Variants in MMD2 observed in about 807,000 individuals in gnomAD.
The protein encoded by MMD2 is monocyte to macrophage differentiation associated 2, also known as monocyte to macrophage differentiation factor 2.
Under a neutral mutation model 33.5 loss-of-function variants are expected in MMD2, and 30 were observed. The ratio of observed to expected loss-of-function variants is 0.90; its 90% CI spans 0.67 to 1.22. The LOEUF (loss-of-function observed/expected upper bound fraction) is 1.22, where lower values mean the gene tolerates loss of function less well. MMD2 is among the 50% of genes most tolerant of loss of function. The pLI, the probability that MMD2 is intolerant of heterozygous loss-of-function variation, is 0.00. For missense variants in MMD2, 364 were observed against 325.4 expected (o/e 1.12, Z -0.91); for synonymous variants, 129 against 123.0 (o/e 1.05, Z -0.32).
At chr7:4,953,161 C>T (rs1245650976) in intron 1 of MMD2, among the ~76,000 whole-genome samples, 2 of 151,776 alleles carry the variant, frequency 1.3e-5, no homozygotes, top group Non-Finnish European at 2.9e-5. Flanking sequence ...CCTACAGTTC[C>T]CCATCTCACC....
At chr7:4,892,744 C>T in the MMD2 span, among the ~76,000 whole-genome samples, 1 of 151,810 alleles carries the variant, frequency 6.6e-6, no homozygotes, top group South Asian at 2.1e-4. Flanking sequence ...GAGATGAAGT[C>T]TAGCTCTGTC....
At chr7:4,915,036 G>A (rs1289686289) in intron 4 of MMD2, among the ~76,000 whole-genome samples, 1 of 152,202 alleles carries the variant, frequency 6.6e-6, no homozygotes, top group African/African-American at 2.4e-5. Flanking sequence ...AGTTTGGGAG[G>A]CTGAGGCGGG....
intron 1 of MMD2, among the ~76,000 whole-genome samples, chr7:4,943,739 C>G (rs1785976048): frequency 6.6e-6 from 1 of 152,154 alleles, no homozygotes; most frequent in South Asian, 2.1e-4. Context: ...ACTTCACAAA[C>G]TGCCTTGAGA....
chr7:4,903,169 C>G (rs1465060008), downstream of MMD2, among the ~76,000 whole-genome samples: 1 of 152,092 alleles, frequency 6.6e-6, no homozygotes. Context: ...ACCCAGGAGG[C>G]AGAGGTTGCA....
At chr7:4,902,560 G>A (rs1044223872), downstream of MMD2, among the ~76,000 whole-genome samples, 6 of 152,302 alleles carry the variant, frequency 3.9e-5, no homozygotes, top group South Asian at 1.0e-3. Flanking sequence ...TGGCACCCCG[G>A]AGGAGACCCA....
In MMD2 at chr7:4,909,884, G is replaced by A; in HGVS notation, c.534C>T (p.Ser178=). ...ATGCAGGGCTGGCAGCACTTACCATGGAGAGGATGACCAGGGCGGGGAAGA... is the reference window on the plus strand; with the variant it reads ...ATGCAGGGCTGGCAGCACTTACCATAGAGAGGATGACCAGGGCGGGGAAGA... ...MGFFPALVIL[S]MPNTEGIWEL... Residue 178 remains serine (S), a synonymous_variant, in exon 6 of 7, where the codon TCC becomes TCT. Coordinates refer to ENST00000401401, the MANE Select transcript of MMD2 (RefSeq NM_198403.4). 6.2e-7 allele frequency: 1 copy of A among 1,612,354 alleles called. No individual in the cohort carries two copies. Among genetic ancestry groups the A allele is most frequent in the Non-Finnish European group, 8.5e-7 (1 of 1,179,180 alleles).
At position 4,920,235 on chromosome 7, in the gene MMD2, G is replaced by C; in HGVS notation, c.226C>G (p.Leu76Val). 1 of 1,592,208 alleles carries C rather than the reference G, an allele frequency of 6.3e-7. No individual in the cohort carries two copies. Among genetic ancestry groups the C allele is most frequent in the Non-Finnish European group, 8.5e-7 (1 of 1,170,122 alleles). ...GTGGACACCACGAAGAGGCCGCAGA[G>C]GCCGAGGCCGTAGATCCAGGCAGAG... ...TISAWIYGLG[L>V]CGLFVVSTVF... is the part of the protein sequence containing the mutation. The change falls in exon 3 of 7, where the codon CTC (leucine) becomes GTC (valine). Residue 76 changes from leucine to valine, a missense_variant. Physicochemically the swap from Leu to Val is conservative, Grantham distance 32. Transcript: ENST00000401401.
At position 4,938,788 on chromosome 7, in the gene MMD2, C is replaced by A. The variant is rs544655376; in HGVS notation, c.48-13256G>T. On this transcript the variant is annotated intron_variant, in intron 1 of 6. Transcript: ENST00000401401. ...TTATATTTGTGTGTTACTTGACCAG[C>A]TACAATGTTCATGTACTACCTCAAT... Among the ~76,000 whole-genome samples, 134 of 152,276 alleles carry A rather than the reference C, an allele frequency of 8.8e-4. 1 individual carries two copies. The highest frequency in any genetic ancestry group is 3.0e-3 in the African/African-American group (123 of 41,560).
In MMD2 at chr7:4,907,282, C is replaced by G; in HGVS notation, c.*114G>C. On this transcript the variant is annotated 3_prime_UTR_variant, in exon 7 of 7. Coordinates refer to ENST00000401401, the MANE Select transcript of MMD2 (RefSeq NM_198403.4). Reference sequence around the variant, plus strand: ...TCACCAGAAGTCACCTTGGAGCCATCAAGAACTCTACCCAATAAAGGGAAG... The same window carrying G: ...TCACCAGAAGTCACCTTGGAGCCATGAAGAACTCTACCCAATAAAGGGAAG... 1 of 1,027,586 alleles carries G rather than the reference C, an allele frequency of 9.7e-7. No individual in the cohort carries two copies. Among genetic ancestry groups the G allele is most frequent in the Non-Finnish European group, 1.5e-6 (1 of 675,834 alleles). The allele number at this position is 1,027,586 out of a possible 1,614,324, so 63.7% of individuals were successfully genotyped here. A position where few individuals can be genotyped will look rare whatever the true frequency, so the allele number is the denominator to read the frequency against.
chr7:4,898,621 G>A, the MMD2 span, among the ~76,000 whole-genome samples: 4 of 152,184 alleles, frequency 2.6e-5, no homozygotes, highest in East Asian at 5.8e-4. Context: ...TTTGGGCAGG[G>A]CGCAGTGGCT....
At chr7:4,925,596 G>A in intron 1 of MMD2, 64 bp from the exon 2 acceptor site, 3 of 1,284,892 alleles carry the variant, frequency 2.3e-6, no homozygotes, top group Non-Finnish European at 3.2e-6. Context: ...GAATTCCCAG[G>A]AAGCCTGAAG....
chr7:4,893,295 A>G, the MMD2 span, among the ~76,000 whole-genome samples: 1 of 152,060 alleles, frequency 6.6e-6, no homozygotes, highest in Non-Finnish European at 1.5e-5. Context: ...GTCAAGAAAT[A>G]AAAGAATGAC....
At position 4,931,793 on chromosome 7, in the gene MMD2, G is replaced by A. The variant is rs149421546; in HGVS notation, c.48-6261C>T. Among the ~76,000 whole-genome samples the A allele has an allele frequency of 2.3e-3, 355 of 152,154 alleles. 2 individuals are homozygous for A. The highest frequency in any genetic ancestry group is 4.1e-3 in the Admixed American group (63 of 15,254). On this transcript the variant is annotated intron_variant, in intron 1 of 6. Transcript: ENST00000401401. The stretch of plus-strand genomic sequence containing the variant: ...TTGCCCAGGCTGGTCTCAAACTCCT[G>A]ACCTCAAACAATCGTCCTCCCTTGG...
intron 6 of MMD2, chr7:4,909,614 T>A (rs1784954233): frequency 3.1e-6 from 2 of 638,366 alleles, no homozygotes; most frequent in Non-Finnish European, 5.6e-6. Flanking sequence ...TAATTTTTTT[T>A]TTTTTAGAGA....
intron 1 of MMD2, among the ~76,000 whole-genome samples, chr7:4,954,825 G>C (rs934229835): frequency 6.6e-6 from 1 of 152,070 alleles, no homozygotes; most frequent in African/African-American, 2.4e-5. Flanking sequence ...TTCTTTTATA[G>C]ATTCTCAAAG....
chr7:4,941,604 T>C (rs1331124149), intron 1 of MMD2, among the ~76,000 whole-genome samples: 1 of 147,250 alleles, frequency 6.8e-6, no homozygotes, highest in Admixed American at 6.9e-5. Flanking sequence ...CACTCCAGCC[T>C]GGACGACAGA....
chr7:4,915,989 G>A lies in MMD2; in HGVS notation c.365+16C>T. On this transcript the variant is annotated intron_variant, in intron 4 of 6. Transcript: ENST00000401401. Reference sequence around the variant, plus strand: ...AAGGCCGCCAAGGGTTTGCTGGGCGGCGGGACGGTACTCACCAGGGTGCGT... The same window carrying A: ...AAGGCCGCCAAGGGTTTGCTGGGCGACGGGACGGTACTCACCAGGGTGCGT... 1.2e-6 allele frequency: 2 copies of A among 1,612,822 alleles called. No homozygotes were observed. The highest frequency in any genetic ancestry group is 1.7e-6 in the Non-Finnish European group (2 of 1,179,166).
Position 4,952,640 on chromosome 7 carries a change from C to G in MMD2, c.47+6331G>C, listed in dbSNP as rs550593236. 1.4e-4 allele frequency among the ~76,000 whole-genome samples: 22 copies of G among 151,740 alleles called. No homozygotes were observed. The East Asian group carries it at 4.1e-3, about 28-fold the overall frequency. ...TCAGATTCTCATAGGAGCATGAACC[C>G]TATTGTGAACTGCACATGTGGGGAT... On this transcript the variant is annotated intron_variant, in intron 1 of 6. Transcript: ENST00000401401.
intron 1 of MMD2, among the ~76,000 whole-genome samples, chr7:4,932,988 T>C (rs1403990158): frequency 2.6e-5 from 4 of 152,084 alleles, no homozygotes; most frequent in Non-Finnish European, 4.4e-5. Flanking sequence ...AGCCTTTTTT[T>C]TTTTTTATGT....
Sources: gnomAD v4.1 joint callset for allele counts (sites outside exome capture counted in the v4.1 genomes callset) on GRCh38, gnomAD v4.1.1 for gene constraint, MANE v1.5 for transcripts, NCBI Gene and HGNC (gene_info 2026-07-23, HGNC 2026-07-21) for gene names.